CEP57L1: variants seen among roughly 807,000 people sequenced by gnomAD.
The protein encoded by CEP57L1 is centrosomal protein CEP57L1.
A neutral mutation model predicts 61.0 loss-of-function variants in CEP57L1; 37 were observed. The ratio of observed to expected loss-of-function variants is 0.61; its 90% CI spans 0.47 to 0.80. CEP57L1 has a LOEUF of 0.80. Ranked by LOEUF, CEP57L1 falls within the 30% of genes least tolerant of loss-of-function variation. The probability of loss-of-function intolerance (pLI) is 0.00; values close to 1 mark genes in which losing one functional copy is unlikely to be tolerated. For synonymous variants in CEP57L1, 137 were observed against 162.3 expected, an observed-to-expected ratio of 0.84 and a Z score of 1.19; for missense variants, 422 against 524.7, an observed-to-expected ratio of 0.80 and a Z score of 1.91.
intron 1 of CEP57L1, among the ~76,000 whole-genome samples, chr6:109,123,595 T>A (rs1275896522): frequency 6.6e-6 from 1 of 152,220 alleles, no homozygotes; most frequent in Non-Finnish European, 1.5e-5. Context: ...TCTAAAATAA[T>A]GTTTTATACC....
intron 1 of CEP57L1, among the ~76,000 whole-genome samples, chr6:109,108,378 A>G (rs927383532): frequency 1.3e-5 from 2 of 151,534 alleles, no homozygotes; most frequent in Admixed American, 6.6e-5. Flanking sequence ...ACGCCCTGCT[A>G]ATTTTGTATT....
chr6:109,102,990 AT>A (rs1366251438), intron 1 of CEP57L1, among the ~76,000 whole-genome samples: 3 of 152,190 alleles, frequency 2.0e-5, no homozygotes, highest in African/African-American at 4.8e-5. Context: ...ACTTTCTACA[AT>A]TAAGAATATT....
rs1562166598 is a variant in CEP57L1, at chr6:109,173,033, G to A, written c.*10063G>A. ...TCTACTTTAATGAGATGTGTGGCATGGTGATGGTTACAAAAGTGATTTGTT... is the reference window on the plus strand; with the variant it reads ...TCTACTTTAATGAGATGTGTGGCATAGTGATGGTTACAAAAGTGATTTGTT... On this transcript the variant is annotated 3_prime_UTR_variant, in exon 11 of 11. Coordinates refer to ENST00000517392, the MANE Select transcript of CEP57L1 (RefSeq NM_001271852.3). Among the ~76,000 whole-genome samples the A allele has an allele frequency of 6.6e-6, 1 of 152,180 alleles. No homozygotes were observed. Among genetic ancestry groups the A allele is most frequent in the Non-Finnish European group, 1.5e-5 (1 of 68,028 alleles).
In CEP57L1 at chr6:109,151,754, G is replaced by T. The variant is rs995972518; in HGVS notation, c.462+1515G>T. 3.3e-5 allele frequency among the ~76,000 whole-genome samples: 5 copies of T among 152,220 alleles called. No individual in the cohort carries two copies. The South Asian group carries it at 8.3e-4, about 25-fold the overall frequency. ...AAAAGTCTATTTCACTGTCATTTGT[G>T]AAAGATATTTTGGCTGGATATAGAA... On this transcript the variant is annotated intron_variant, in intron 4 of 10. Transcript: ENST00000517392.
At chr6:109,131,445 C>T (rs74592154) in intron 1 of CEP57L1, among the ~76,000 whole-genome samples, 2,585 of 152,074 alleles carry the variant, frequency 0.017, 87 homozygotes, top group African/African-American at 0.059. Flanking sequence ...ACAAACTTTA[C>T]AGTATGGAAT....
rs541475581 is a variant in CEP57L1 at position 109,135,644 on chromosome 6, G to A, written c.-3-9575G>A. 2.5e-3 allele frequency among the ~76,000 whole-genome samples: 383 copies of A among 151,908 alleles called. 1 individual carries two copies. Among genetic ancestry groups the A allele is most frequent in the African/African-American group, 8.2e-3 (342 of 41,460 alleles). The stretch of plus-strand genomic sequence containing the variant: ...GAACAGGCAACCTACAGAATGGGAG[G>A]AAATTTTTGCAATCTACTCATCTGA... On this transcript the variant is annotated intron_variant, in intron 1 of 10. Coordinates refer to ENST00000517392, the MANE Select transcript of CEP57L1 (RefSeq NM_001271852.3).
chr6:109,157,067 T>C (rs1773290373), intron 7 of CEP57L1: 1 of 152,140 alleles, frequency 6.6e-6, no homozygotes, highest in Admixed American at 6.6e-5. Flanking sequence ...TTTACCTATT[T>C]ATTATAAAAA....
chr6:109,108,441 A>T (rs1771194073), intron 1 of CEP57L1, among the ~76,000 whole-genome samples: 1 of 151,960 alleles, frequency 6.6e-6, no homozygotes, highest in South Asian at 2.1e-4. Context: ...CGAACTCCTG[A>T]ACTCCAGTGA....
intron 1 of CEP57L1, among the ~76,000 whole-genome samples, chr6:109,115,087 G>A (rs898151579): frequency 6.6e-6 from 1 of 151,888 alleles, no homozygotes; most frequent in African/African-American, 2.4e-5. Context: ...TTAAAATATG[G>A]CTAAATTAAT....
intron 1 of CEP57L1, chr6:109,100,221 T>C (rs1192884174): frequency 2.0e-5 from 3 of 152,168 alleles, no homozygotes; most frequent in African/African-American, 7.2e-5. Flanking sequence ...ACTTAATAAA[T>C]GTGTGACGCA....
Position 109,160,594 on chromosome 6 carries a change from C to T in CEP57L1, c.1039C>T (p.Gln347Ter). The T allele has an allele frequency of 1.2e-6, 2 of 1,606,136 alleles. No individual in the cohort carries two copies. Among genetic ancestry groups the T allele is most frequent in the Non-Finnish European group, 1.7e-6 (2 of 1,177,018 alleles). ...TAGGGAGCACCAAGAACTACTGAAA[C>T]AAATGAAGGAAACTGAAAGTCATTC... ...MSMEHQELLK[Q>*]MKETESHSVC... Residue 347 changes from glutamine (Q) to a stop codon, truncating the protein, a stop_gained, in exon 10 of 11, where the codon CAA becomes TAA. Transcript: ENST00000517392. LOFTEE classifies it high-confidence loss of function.
chr6:109,120,760 C>A lies in CEP57L1; in HGVS notation c.-3-24459C>A, dbSNP rs116631527. Among the ~76,000 whole-genome samples the A allele has an allele frequency of 8.3e-3, 1,265 of 152,244 alleles. 25 individuals are homozygous for A. The highest frequency in any genetic ancestry group is 0.029 in the African/African-American group (1,214 of 41,534). On this transcript the variant is annotated intron_variant, in intron 1 of 10. Coordinates refer to ENST00000517392, the MANE Select transcript of CEP57L1 (RefSeq NM_001271852.3). The stretch of plus-strand genomic sequence containing the variant: ...TTTTACACAGTTCCACATAGAAACA[C>A]TATTGTTATAAAATGGTTAGAAACG...
At chr6:109,122,453 T>C (rs762718246) in intron 1 of CEP57L1, among the ~76,000 whole-genome samples, 7 of 152,144 alleles carry the variant, frequency 4.6e-5, no homozygotes, top group Non-Finnish European at 1.0e-4. Flanking sequence ...TTGGTGGTGA[T>C]GGTACATGAA....
intron 7 of CEP57L1, chr6:109,158,424 G>A (rs778890625): frequency 6.7e-6 from 2 of 298,012 alleles, no homozygotes; most frequent in Non-Finnish European, 1.3e-5. Context: ...GGGAGACGGA[G>A]GTTGCGGTGA....
At chr6:109,108,630 A>G (rs1771210877) in intron 1 of CEP57L1, among the ~76,000 whole-genome samples, 1 of 152,186 alleles carries the variant, frequency 6.6e-6, no homozygotes, top group Non-Finnish European at 1.5e-5. Flanking sequence ...TTATTAATTT[A>G]GAAAATACGA....
In CEP57L1 at chr6:109,169,226, CAAA is replaced by C. The variant is rs202070350; in HGVS notation, c.*6275_*6277del. On this transcript the variant is annotated 3_prime_UTR_variant, in exon 11 of 11. Transcript: ENST00000517392. ...GAGCAGCAGAGTGAGGCTCCATCAG[CAAA>C]AAAAAAAAAAAAAAAAAAGATCAGA... Among the ~76,000 whole-genome samples the C allele has an allele frequency of 0.03, 2,056 of 67,482 alleles. 36 individuals are homozygous for C. Among genetic ancestry groups the C allele is most frequent in the African/African-American group, 0.11 (1,959 of 17,380 alleles). 44.3% of individuals were successfully genotyped at this position (67,482 alleles called of 152,430 possible).
rs1192652424 is a variant in CEP57L1 at position 109,168,305 on chromosome 6, G to C, written c.*5335G>C. 1.3e-5 allele frequency among the ~76,000 whole-genome samples: 2 copies of C among 152,026 alleles called. No individual in the cohort carries two copies. The highest frequency in any genetic ancestry group is 2.9e-5 in the Non-Finnish European group (2 of 68,006). On this transcript the variant is annotated 3_prime_UTR_variant, in exon 11 of 11. Coordinates refer to ENST00000517392, the MANE Select transcript of CEP57L1 (RefSeq NM_001271852.3). ...TTCAAAGGCATGAGTGGAAAAAGTG[G>C]GTATGAAACAATGAAGTAAATGGAG...
At chr6:109,156,785 T>A (rs1305296880) in intron 7 of CEP57L1, 1 of 152,118 alleles carries the variant, frequency 6.6e-6, no homozygotes, top group Non-Finnish European at 1.5e-5. Flanking sequence ...TAAATAAAAA[T>A]TAATGTTCAA....
chr6:109,159,671 A>G (rs1437053854), intron 9 of CEP57L1, among the ~76,000 whole-genome samples: 1 of 152,126 alleles, frequency 6.6e-6, no homozygotes, highest in African/African-American at 2.4e-5. Flanking sequence ...CTTAAGAACA[A>G]TACCACTTAT....
Sources: gnomAD v4.1 joint callset for allele counts (sites outside exome capture counted in the v4.1 genomes callset) on GRCh38, gnomAD v4.1.1 for gene constraint, MANE v1.5 for transcripts, NCBI Gene and HGNC (gene_info 2026-07-23, HGNC 2026-07-21) for gene names.